The following ELMO1 variants were observed in gnomAD, a reference collection of about 807,000 sequenced individuals.
ELMO1 encodes the protein engulfment and cell motility protein 1.
A neutral mutation model predicts 98.9 loss-of-function variants in ELMO1; 26 were observed. That is an observed-to-expected ratio of 0.26 (90% CI 0.19 to 0.36). The LOEUF is 0.36. Among genes scored for constraint, ELMO1 ranks in the 10% least tolerant of loss-of-function variants. The pLI is 1.00. For missense variants in ELMO1, 627 were observed against 935.2 expected, an observed-to-expected ratio of 0.67 and a Z score of 4.30; for synonymous variants, 346 against 346.0, an observed-to-expected ratio of 1.00 and a Z score of 0.00.
chr7:36,867,940 T>G (rs967476600), intron 20 of ELMO1, among the ~76,000 whole-genome samples: 6 of 152,190 alleles, frequency 3.9e-5, no homozygotes, highest in African/African-American at 1.4e-4. Flanking sequence ...TCTATCTTGG[T>G]GAATGTTTCC....
chr7:37,333,024 T>C (rs1800217329), intron 2 of ELMO1, among the ~76,000 whole-genome samples: 1 of 152,084 alleles, frequency 6.6e-6, no homozygotes. Context: ...GCTATGGAGA[T>C]TGTGGGGATG....
chr7:37,175,411 T>C (rs1790446829), intron 13 of ELMO1, among the ~76,000 whole-genome samples: 2 of 152,002 alleles, frequency 1.3e-5, no homozygotes, highest in Non-Finnish European at 2.9e-5. Context: ...GGCTGCAGAG[T>C]CAGTCCTCCC....
intron 6 of ELMO1, among the ~76,000 whole-genome samples, chr7:37,255,711 CCTGGATACCTAGGTA>C (rs533491382): frequency 2.6e-4 from 40 of 152,272 alleles, no homozygotes; most frequent in African/African-American, 9.4e-4. Flanking sequence ...GAGCTCAAGC[CCTGGATACCTAGGTA>C]CTTGTGGCAG....
intron 6 of ELMO1, among the ~76,000 whole-genome samples, chr7:37,253,665 T>G (rs922080648): frequency 6.7e-6 from 1 of 150,260 alleles, no homozygotes; most frequent in East Asian, 2.0e-4. Context: ...CCATGGCATG[T>G]GTATACCTAT....
At chr7:37,415,254 G>T (rs772985157) in intron 1 of ELMO1, among the ~76,000 whole-genome samples, 1 of 152,238 alleles carries the variant, frequency 6.6e-6, no homozygotes, top group Non-Finnish European at 1.5e-5. Context: ...GAACAAAATA[G>T]ATTGAGCAAA....
chr7:37,383,733 A>G (rs1802668961), intron 1 of ELMO1, among the ~76,000 whole-genome samples: 1 of 152,236 alleles, frequency 6.6e-6, no homozygotes, highest in South Asian at 2.1e-4. Flanking sequence ...ACGGGAAAAG[A>G]GTCTAATCAT....
At chr7:37,391,769 T>C (rs1366563051) in intron 1 of ELMO1, among the ~76,000 whole-genome samples, 1 of 152,180 alleles carries the variant, frequency 6.6e-6, no homozygotes, top group African/African-American at 2.4e-5. Flanking sequence ...CAAGCCCCCA[T>C]GTAACACTCA....
intron 5 of ELMO1, among the ~76,000 whole-genome samples, chr7:37,266,952 T>C (rs186061810): frequency 1.2e-3 from 187 of 151,198 alleles, no homozygotes; most frequent in Non-Finnish European, 1.7e-3. Context: ...GGCGGAGATT[T>C]TAGTGAGCTG....
intron 16 of ELMO1, among the ~76,000 whole-genome samples, chr7:36,923,909 TGAA>T: frequency 6.6e-6 from 1 of 152,208 alleles, no homozygotes; most frequent in South Asian, 2.1e-4. Context: ...TCTAGAAAAC[TGAA>T]AGTGGTTCTA....
At chr7:37,199,410 T>C (rs537928709) in intron 13 of ELMO1, among the ~76,000 whole-genome samples, 1 of 152,236 alleles carries the variant, frequency 6.6e-6, no homozygotes, top group East Asian at 1.9e-4. Context: ...CAGTGAGCCA[T>C]GATGATGCCA....
chr7:36,904,531 G>C (rs977588667), intron 16 of ELMO1, among the ~76,000 whole-genome samples: 2 of 152,094 alleles, frequency 1.3e-5, no homozygotes, highest in African/African-American at 4.8e-5. Context: ...GTGCTCACTG[G>C]GTGTTGTCCC....
intron 18 of ELMO1, among the ~76,000 whole-genome samples, chr7:36,880,589 G>A (rs1366145894): frequency 2.0e-5 from 3 of 152,152 alleles, no homozygotes; most frequent in African/African-American, 4.8e-5. Context: ...TATGTGTAGC[G>A]AAACATCATT....
Position 37,444,054 on chromosome 7 carries a change from G to A in ELMO1, c.-74+4621C>T, listed in dbSNP as rs368015989. ...CAAGTAGCTGGGACTACAGGTGCAT[G>A]CCATCATACCCAGCTAATTTTTTAA... On this transcript the variant is annotated intron_variant, in intron 1 of 21. Transcript: ENST00000310758. Among the ~76,000 whole-genome samples, 25 of 152,220 alleles carry A rather than the reference G, an allele frequency of 1.6e-4. No individual in the cohort carries two copies. The South Asian group carries it at 5.0e-3, about 30-fold the overall frequency.
intron 1 of ELMO1, among the ~76,000 whole-genome samples, chr7:37,437,687 A>ATATAATTATTAACTATTGCCACCATGCT (rs1583763296): frequency 1.4e-4 from 11 of 81,164 alleles, no homozygotes; most frequent in South Asian, 3.9e-4. Flanking sequence ...AATATACAAT[A>ATATAATTATTAACTATTGCCACCATGCT]GGCCGGGCGC....
chr7:37,152,855 A>C (rs1197356291), intron 13 of ELMO1, among the ~76,000 whole-genome samples: 3 of 152,202 alleles, frequency 2.0e-5, no homozygotes. Context: ...TGAACTGAGA[A>C]ATGAAAAAAG....
chr7:37,293,101 G>T (rs1583476473), intron 4 of ELMO1, among the ~76,000 whole-genome samples: 1 of 21,580 alleles, frequency 4.6e-5, no homozygotes, highest in African/African-American at 6.2e-5. Context: ...GTGGGGGGGG[G>T]TCAGCCCCCC....
intron 1 of ELMO1, among the ~76,000 whole-genome samples, chr7:37,356,501 C>T (rs892007069): frequency 6.6e-6 from 1 of 152,058 alleles, no homozygotes; most frequent in African/African-American, 2.4e-5. Context: ...AACCATTATT[C>T]TCAGCAAACT....
chr7:37,229,308 C>T (rs1340588774), intron 8 of ELMO1, among the ~76,000 whole-genome samples: 1 of 151,986 alleles, frequency 6.6e-6, no homozygotes, highest in Non-Finnish European at 1.5e-5. Context: ...CTTTCTACTC[C>T]ATATTTTCTT....
At chr7:37,086,047 G>C (rs542235179) in intron 15 of ELMO1, among the ~76,000 whole-genome samples, 1 of 152,318 alleles carries the variant, frequency 6.6e-6, no homozygotes, top group South Asian at 2.1e-4. Flanking sequence ...AGGCGGCAGT[G>C]CGTCTCTCTC....
Sources: gnomAD v4.1 joint callset for allele counts (sites outside exome capture counted in the v4.1 genomes callset) on GRCh38, gnomAD v4.1.1 for gene constraint, MANE v1.5 for transcripts, NCBI Gene and HGNC (gene_info 2026-07-23, HGNC 2026-07-21) for gene names.